Variants in PTPRD observed in about 807,000 individuals in gnomAD.
PTPRD encodes the protein protein tyrosine phosphatase receptor type D, also known as receptor-type tyrosine-protein phosphatase delta.
PTPRD carries 34 observed loss-of-function variants against 214.5 expected under a neutral mutation model. The observed-to-expected ratio is 0.16, with a 90% confidence interval of 0.12 to 0.21. The LOEUF (loss-of-function observed/expected upper bound fraction) is 0.21, where lower values mean the gene tolerates loss of function less well. Ranked by LOEUF, PTPRD falls within the 10% of genes least tolerant of loss-of-function variation. The probability of loss-of-function intolerance (pLI) is 1.00; values close to 1 mark genes in which losing one functional copy is unlikely to be tolerated. For missense variants in PTPRD, 2,545 were observed against 2,398.7 expected (o/e 1.06, Z -1.27); for synonymous variants, 1,128 against 845.7 (o/e 1.33, Z -5.79).
intron 12 of PTPRD, among the ~76,000 whole-genome samples, chr9:8,716,105 C>T (rs1991931): frequency 0.45 from 68,485 of 152,054 alleles, 15,682 homozygotes; most frequent in Non-Finnish European, 0.48. Context: ...TATTTAATTG[C>T]GAAAACCGCA....
At chr9:8,591,365 G>A (rs1188076391) in intron 14 of PTPRD, among the ~76,000 whole-genome samples, 1 of 152,186 alleles carries the variant, frequency 6.6e-6, no homozygotes, top group Non-Finnish European at 1.5e-5. Context: ...GCTCCTGCCT[G>A]TGAATGGTGA....
chr9:9,101,674 T>C (rs1191332930), intron 10 of PTPRD, among the ~76,000 whole-genome samples: 1 of 152,192 alleles, frequency 6.6e-6, no homozygotes, highest in Non-Finnish European at 1.5e-5. Context: ...CTTGAGGAGC[T>C]AAAGACTTGA....
chr9:9,425,275 G>A (rs1053355795), intron 8 of PTPRD, among the ~76,000 whole-genome samples: 1 of 151,680 alleles, frequency 6.6e-6, no homozygotes, highest in African/African-American at 2.4e-5. Flanking sequence ...GCCTGGCCCA[G>A]TTCCATGACG....
chr9:10,013,961 A>C (rs540583964), intron 4 of PTPRD, among the ~76,000 whole-genome samples: 17 of 151,890 alleles, frequency 1.1e-4, no homozygotes, highest in African/African-American at 4.1e-4. Context: ...ACAAAGGACA[A>C]ATCTGTAATT....
At chr9:10,599,278 G>C (rs10959191) in intron 2 of PTPRD, among the ~76,000 whole-genome samples, 15,164 of 151,728 alleles carry the variant, frequency 0.1, 1,032 homozygotes, top group East Asian at 0.21. Flanking sequence ...ACTGTTAAAT[G>C]ATTATAATTG....
chr9:8,858,285 C>T (rs1052203802), intron 11 of PTPRD: 2 of 153,262 alleles, frequency 1.3e-5, no homozygotes, highest in Non-Finnish European at 2.9e-5. Context: ...TGCCTCCCTC[C>T]CCTTCTCTTC....
At chr9:8,996,337 C>G (rs573475511) in intron 11 of PTPRD, among the ~76,000 whole-genome samples, 13 of 152,056 alleles carry the variant, frequency 8.5e-5, no homozygotes, top group African/African-American at 2.4e-4. Flanking sequence ...GGTAGGATGT[C>G]AAATGCAATA....
chr9:8,391,149 T>C (rs2089401917), intron 36 of PTPRD, among the ~76,000 whole-genome samples: 1 of 152,170 alleles, frequency 6.6e-6, no homozygotes, highest in South Asian at 2.1e-4. Flanking sequence ...ATTTTTTTTT[T>C]CTTTATAATG....
intron 7 of PTPRD, among the ~76,000 whole-genome samples, chr9:9,586,241 T>C (rs952887517): frequency 1.3e-5 from 2 of 152,036 alleles, no homozygotes; most frequent in Non-Finnish European, 2.9e-5. Flanking sequence ...GCCAGTAGTT[T>C]TGCTGTAGAC....
intron 6 of PTPRD, among the ~76,000 whole-genome samples, chr9:9,741,095 A>C (rs896087634): frequency 6.6e-6 from 1 of 152,202 alleles, no homozygotes; most frequent in Non-Finnish European, 1.5e-5. Flanking sequence ...CCTTCACTAA[A>C]ACAAACCAAT....
intron 3 of PTPRD, among the ~76,000 whole-genome samples, chr9:10,307,729 C>G (rs1052021846): frequency 6.6e-6 from 1 of 151,894 alleles, no homozygotes; most frequent in South Asian, 2.1e-4. Context: ...GCCAGCATCT[C>G]TTATTTTTTG....
intron 11 of PTPRD, among the ~76,000 whole-genome samples, chr9:8,761,183 G>A (rs1425297388): frequency 2.6e-5 from 4 of 152,092 alleles, no homozygotes; most frequent in Admixed American, 6.6e-5. Flanking sequence ...TTTACAAATA[G>A]AGGCAAATGT....
chr9:8,542,696 G>C (rs1418064346), intron 14 of PTPRD, among the ~76,000 whole-genome samples: 1 of 152,242 alleles, frequency 6.6e-6, no homozygotes, highest in African/African-American at 2.4e-5. Flanking sequence ...CACTGATCCA[G>C]CTTTTCCTTC....
chr9:8,600,752 G>A (rs994903446), intron 14 of PTPRD, among the ~76,000 whole-genome samples: 1 of 151,816 alleles, frequency 6.6e-6, no homozygotes, highest in African/African-American at 2.4e-5. Context: ...TAAAGAACCA[G>A]CAGTAATACC....
rs367862731 is a variant in PTPRD, at chr9:10,063,325, A to T, written c.-544-29535T>A. ...AAAGCATTTCTCATCCTTTCTTAAG[A>T]AATAAATGTCCCACTATACATATCA... On this transcript the variant is annotated intron_variant, in intron 3 of 45. Coordinates refer to ENST00000381196, the MANE Select transcript of PTPRD (RefSeq NM_002839.4). 5.3e-5 allele frequency among the ~76,000 whole-genome samples: 8 copies of T among 152,202 alleles called. No individual in the cohort carries two copies. In the South Asian group the frequency reaches 1.7e-3, roughly 32 times the overall value.
chr9:8,991,007 G>T (rs2099364279), intron 11 of PTPRD, among the ~76,000 whole-genome samples: 2 of 151,906 alleles, frequency 1.3e-5, no homozygotes, highest in African/African-American at 4.8e-5. Flanking sequence ...TTGAGGCTAG[G>T]AGTTTGCGAC....
rs575875560 is a variant in PTPRD, at chr9:10,151,809, T to C, written c.-544-118019A>G. ...ACTGATCTGTTTTCTGTCGCTGTGG[T>C]TTTACTTCTTCCAGAATCCTACAAT... On this transcript the variant is annotated intron_variant, in intron 3 of 45. Coordinates refer to ENST00000381196, the MANE Select transcript of PTPRD (RefSeq NM_002839.4). Among the ~76,000 whole-genome samples the C allele has an allele frequency of 2.0e-5, 3 of 152,286 alleles. No homozygotes were observed. In the East Asian group the frequency reaches 5.8e-4, roughly 29 times the overall value.
chr9:9,935,853 C>T (rs1035941027), intron 5 of PTPRD, among the ~76,000 whole-genome samples: 21 of 149,314 alleles, frequency 1.4e-4, no homozygotes, highest in Admixed American at 1.2e-3. Flanking sequence ...GTAACCAAAA[C>T]AGCATGGTAC....
intron 11 of PTPRD, among the ~76,000 whole-genome samples, chr9:8,934,493 A>T (rs59960363): frequency 1.8e-3 from 8 of 4,330 alleles, no homozygotes; most frequent in African/African-American, 5.7e-3. Flanking sequence ...ATATATATAT[A>T]AATATATATA....
Sources: allele counts gnomAD v4.1 joint callset (sites outside exome capture counted in the v4.1 genomes callset), GRCh38; gene constraint gnomAD v4.1.1; transcripts MANE v1.5; gene names NCBI Gene and HGNC (gene_info 2026-07-23, HGNC 2026-07-21).